Variants in SLC16A10 observed in about 807,000 individuals in gnomAD.
SLC16A10 encodes the protein solute carrier family 16 member 10.
Under a neutral mutation model 40.0 loss-of-function variants are expected in SLC16A10, and 27 were observed. That is an observed-to-expected ratio of 0.67 (90% CI 0.50 to 0.93). SLC16A10 has a LOEUF of 0.93. Ranked by LOEUF, SLC16A10 falls within the 40% of genes least tolerant of loss-of-function variation. The pLI, the probability that SLC16A10 is intolerant of heterozygous loss-of-function variation, is 0.00. For missense variants in SLC16A10, 529 were observed against 658.2 expected (o/e 0.80, Z 2.15); for synonymous variants, 213 against 249.8 (o/e 0.85, Z 1.39).
In SLC16A10 at chr6:111,224,269, ATTTTG is replaced by A. The variant is rs1338861653; in HGVS notation, c.*2039_*2043del. 2 of 152,188 alleles carry A rather than the reference ATTTTG, an allele frequency of 1.3e-5. No individual in the cohort carries two copies. Among genetic ancestry groups the A allele is most frequent in the Admixed American group, 6.5e-5 (1 of 15,274 alleles). 9.4% of individuals were successfully genotyped at this position (152,188 alleles called of 1,614,324 possible). A position where few individuals can be genotyped will look rare whatever the true frequency, so the allele number is the denominator to read the frequency against. Reference sequence around the variant, plus strand: ...ATCAAAAACAAAAAATAAATGTTAAATTTTGTTTTAAGTTTTAGCACAGACTCCCC... The same window carrying A: ...ATCAAAAACAAAAAATAAATGTTAAATTTTAAGTTTTAGCACAGACTCCCC... On this transcript the variant is annotated 3_prime_UTR_variant, in exon 6 of 6. Transcript: ENST00000368851.
rs1770877000 is a variant in SLC16A10 at position 111,220,948 on chromosome 6, T to TC, written c.1316-1054dup. The stretch of plus-strand genomic sequence containing the variant: ...ATGAGTGTTCATAAGGAGGAAGAGT[T>TC]CAGGAATGGTCTGATTCCAAAGATA... On this transcript the variant is annotated intron_variant, in intron 5 of 5. Transcript: ENST00000368851. Among the ~76,000 whole-genome samples the TC allele has an allele frequency of 2.0e-5, 3 of 152,266 alleles. No individual in the cohort carries two copies. In the South Asian group the frequency reaches 6.2e-4, roughly 31 times the overall value.
chr6:111,150,623 G>C (rs1772156455), intron 1 of SLC16A10, among the ~76,000 whole-genome samples: 1 of 152,186 alleles, frequency 6.6e-6, no homozygotes, highest in Non-Finnish European at 1.5e-5. Flanking sequence ...GATAATCAGA[G>C]AATTTGGACC....
intron 1 of SLC16A10, among the ~76,000 whole-genome samples, chr6:111,170,468 G>A (rs1019633628): frequency 6.6e-6 from 1 of 152,072 alleles, no homozygotes; most frequent in Non-Finnish European, 1.5e-5. Flanking sequence ...CTTTTTTTGA[G>A]AAAGCGTCTC....
In SLC16A10 at chr6:111,225,418, T is replaced by C. The variant is rs903240450; in HGVS notation, c.*3183T>C. ...AAAATACAAAAAAATTAGCCAGGCGTGTCGGCATGCACCTGTAGTCCCAGC... is the reference window on the plus strand; with the variant it reads ...AAAATACAAAAAAATTAGCCAGGCGCGTCGGCATGCACCTGTAGTCCCAGC... On this transcript the variant is annotated 3_prime_UTR_variant, in exon 6 of 6. Transcript: ENST00000368851. 1 of 152,042 alleles carries C rather than the reference T, an allele frequency of 6.6e-6. No homozygotes were observed. Among genetic ancestry groups the C allele is most frequent in the Non-Finnish European group, 1.5e-5 (1 of 68,042 alleles). The allele number at this position is 152,042 out of a possible 1,614,324, so 9.4% of individuals were successfully genotyped here. A position where few individuals can be genotyped will look rare whatever the true frequency, so the allele number is the denominator to read the frequency against.
chr6:111,172,310 A>T (rs1339289896), intron 1 of SLC16A10, among the ~76,000 whole-genome samples: 2 of 152,154 alleles, frequency 1.3e-5, no homozygotes, highest in Non-Finnish European at 2.9e-5. Flanking sequence ...GCGAAGTCAG[A>T]TTACTCATTT....
In SLC16A10 at chr6:111,229,067, C is replaced by T. The variant is rs933319595; in HGVS notation, c.*6832C>T. 1.3e-5 allele frequency: 2 copies of T among 151,678 alleles called. No individual in the cohort carries two copies. Among genetic ancestry groups the T allele is most frequent in the Admixed American group, 6.6e-5 (1 of 15,164 alleles). The allele number at this position is 151,678 out of a possible 1,614,324, so 9.4% of individuals were successfully genotyped here. Reference sequence around the variant, plus strand: ...AAAAAAAATAGTGCTGCATTTTGACCCTGGACTATGAACAGACTGTATAGT... The same window carrying T: ...AAAAAAAATAGTGCTGCATTTTGACTCTGGACTATGAACAGACTGTATAGT... On this transcript the variant is annotated 3_prime_UTR_variant, in exon 6 of 6. Coordinates refer to ENST00000368851, the MANE Select transcript of SLC16A10 (RefSeq NM_018593.5).
At chr6:111,103,181 T>C (rs1423616156) in intron 1 of SLC16A10, among the ~76,000 whole-genome samples, 1 of 152,088 alleles carries the variant, frequency 6.6e-6, no homozygotes, top group African/African-American at 2.4e-5. Context: ...GCTGAGATTA[T>C]AGGTGTGAAC....
intron 3 of SLC16A10, among the ~76,000 whole-genome samples, chr6:111,184,682 T>C (rs186576265): frequency 2.6e-5 from 4 of 152,120 alleles, no homozygotes. Flanking sequence ...GGTTTCACCA[T>C]GTTGGCCAGG....
intron 4 of SLC16A10, among the ~76,000 whole-genome samples, chr6:111,209,888 A>G (rs1773318580): frequency 6.6e-6 from 1 of 152,198 alleles, no homozygotes; most frequent in Non-Finnish European, 1.5e-5. Flanking sequence ...ACAAATGGAA[A>G]TATAGACAAC....
chr6:111,219,024 G>C lies in SLC16A10; in HGVS notation c.1297G>C (p.Val433Leu). 1 of 1,614,064 alleles carries C rather than the reference G, an allele frequency of 6.2e-7. No individual in the cohort carries two copies. Among genetic ancestry groups the C allele is most frequent in the Non-Finnish European group, 8.5e-7 (1 of 1,179,950 alleles). Residue 433 changes from valine to leucine, a missense_variant, in exon 5 of 6, where the codon GTT (valine) becomes CTT (leucine). Val to Leu is a conservative substitution (Grantham distance 32, BLOSUM62 1). Transcript: ENST00000368851. Reference sequence around the variant, plus strand: ...CGGATTCATGTCTATACCCATGACTGTTGGCCCACCCATTGCAGGTAAATA... The same window carrying C: ...CGGATTCATGTCTATACCCATGACTCTTGGCCCACCCATTGCAGGTAAATA... Reference protein sequence around the residue: ...LLGFMSIPMTVGPPIAGLLRD... With the variant: ...LLGFMSIPMTLGPPIAGLLRD...
chr6:111,172,586 C>A (rs1772605055), intron 1 of SLC16A10, 109 bp from the exon 2 acceptor site: 24 of 1,362,312 alleles, frequency 1.8e-5, no homozygotes, highest in Non-Finnish European at 2.4e-5. Flanking sequence ...GCACTATACT[C>A]AAAAAAACTA....
rs532812554 is a variant in SLC16A10 at position 111,228,544 on chromosome 6, G to A, written c.*6309G>A. 2 of 152,228 alleles carry A rather than the reference G, an allele frequency of 1.3e-5. No individual in the cohort carries two copies. Among genetic ancestry groups the A allele is most frequent in the Admixed American group, 6.5e-5 (1 of 15,296 alleles). The allele number at this position is 152,228 out of a possible 1,614,324, so 9.4% of individuals were successfully genotyped here. A position where few individuals can be genotyped will look rare whatever the true frequency, so the allele number is the denominator to read the frequency against. The stretch of plus-strand genomic sequence containing the variant: ...CAAATTAGATTGGTAATACTATTTT[G>A]GAGCCTGTGATGTATGACTTTTATT... On this transcript the variant is annotated 3_prime_UTR_variant, in exon 6 of 6. Transcript: ENST00000368851.
chr6:111,089,920 T>TG (rs1770943545), intron 1 of SLC16A10, among the ~76,000 whole-genome samples: 3 of 103,658 alleles, frequency 2.9e-5, no homozygotes, highest in African/African-American at 1.3e-4. Context: ...TTTTTTTTTT[T>TG]TTTTTTTTTT....
At chr6:111,112,135 T>G (rs140562642) in intron 1 of SLC16A10, among the ~76,000 whole-genome samples, 116 of 152,066 alleles carry the variant, frequency 7.6e-4, no homozygotes, top group African/African-American at 2.7e-3. Context: ...GCTCAAGCAA[T>G]CCTCTCACCT....
intron 1 of SLC16A10, among the ~76,000 whole-genome samples, chr6:111,138,715 G>A (rs1291991905): frequency 6.6e-6 from 1 of 151,944 alleles, no homozygotes; most frequent in Admixed American, 6.6e-5. Flanking sequence ...CAAACTCCGG[G>A]GCTCAAGTGA....
chr6:111,195,941 A>T (rs532699355), intron 3 of SLC16A10, among the ~76,000 whole-genome samples: 1 of 152,332 alleles, frequency 6.6e-6, no homozygotes, highest in Admixed American at 6.5e-5. Flanking sequence ...GCAGTCCTCT[A>T]CATCCAAGGT....
intron 3 of SLC16A10, among the ~76,000 whole-genome samples, chr6:111,181,990 G>C (rs1772801077): frequency 6.6e-6 from 1 of 151,318 alleles, no homozygotes; most frequent in South Asian, 2.1e-4. Flanking sequence ...GTTTTGTTTT[G>C]TTTTGTTTTT....
At chr6:111,138,985 A>G (rs1178734758) in intron 1 of SLC16A10, among the ~76,000 whole-genome samples, 1 of 152,096 alleles carries the variant, frequency 6.6e-6, no homozygotes, top group Non-Finnish European at 1.5e-5. Context: ...CACAAAGTCT[A>G]GAATATTTAT....
In SLC16A10 at chr6:111,227,825, C is replaced by T. The variant is rs1326794870; in HGVS notation, c.*5590C>T. On this transcript the variant is annotated 3_prime_UTR_variant, in exon 6 of 6. Transcript: ENST00000368851. ...ACCTTTCTAAGTACTTGATGACACC[C>T]ACTTGATCATGACAATTCATCTACC... 1 of 152,120 alleles carries T rather than the reference C, an allele frequency of 6.6e-6. No individual in the cohort carries two copies. The highest frequency in any genetic ancestry group is 1.5e-5 in the Non-Finnish European group (1 of 68,032). 9.4% of individuals were successfully genotyped at this position (152,120 alleles called of 1,614,324 possible).
Sources: allele counts gnomAD v4.1 joint callset (sites outside exome capture counted in the v4.1 genomes callset), GRCh38; gene constraint gnomAD v4.1.1; transcripts MANE v1.5; gene names NCBI Gene and HGNC (gene_info 2026-07-23, HGNC 2026-07-21).